PCDHA4: variants seen among roughly 807,000 people sequenced by gnomAD.
PCDHA4 encodes the protein protocadherin alpha 4.
Under a neutral mutation model 61.4 loss-of-function variants are expected in PCDHA4, and 49 were observed. That is an observed-to-expected ratio of 0.80 (90% CI 0.63 to 1.01). The LOEUF (loss-of-function observed/expected upper bound fraction) is 1.01. Ranked by LOEUF, PCDHA4 falls within the 50% of genes least tolerant of loss-of-function variation. The pLI, the probability that PCDHA4 is intolerant of heterozygous loss-of-function variation, is 0.00. For synonymous variants in PCDHA4, 590 were observed against 550.3 expected (o/e 1.07, Z -1.01); for missense variants, 1,254 against 1,235.8 (o/e 1.01, Z -0.22).
intron 1 of PCDHA4, chr5:140,850,334 A>G (rs2041532425): frequency 6.3e-7 from 1 of 1,597,666 alleles, no homozygotes. Context: ...AGCTGCAGCC[A>G]GAAACGGCCA....
At chr5:140,809,626 T>G (rs781990363) in intron 1 of PCDHA4, 54 bp downstream of exon 1, 36 of 1,508,500 alleles carry the variant, frequency 2.4e-5, no homozygotes, top group Non-Finnish European at 1.5e-5. Flanking sequence ...CTCTATCAAC[T>G]TCTTCGTAAA....
intron 1 of PCDHA4, chr5:140,859,239 A>G (rs1025873150): frequency 1.3e-5 from 2 of 152,746 alleles, no homozygotes; most frequent in Admixed American, 1.3e-4. Flanking sequence ...AGTCATGCTT[A>G]TGTTTAATAA....
chr5:140,870,936 G>A (rs1554164882), intron 1 of PCDHA4: 5 of 1,613,820 alleles, frequency 3.1e-6, no homozygotes, highest in South Asian at 1.1e-5. Flanking sequence ...ATGAATTGCA[G>A]CCGGCGGCGG....
chr5:140,910,171 T>C (rs186096076), intron 1 of PCDHA4, among the ~76,000 whole-genome samples: 22 of 152,340 alleles, frequency 1.4e-4, no homozygotes, highest in Admixed American at 1.2e-3. Flanking sequence ...TGATCCTCTG[T>C]TTTTATAATT....
chr5:140,952,813 G>A (rs1162015418), intron 1 of PCDHA4, among the ~76,000 whole-genome samples: 1 of 152,158 alleles, frequency 6.6e-6, no homozygotes, highest in African/African-American at 2.4e-5. Context: ...TCTGCAGGCT[G>A]TACAGGAAGC....
At chr5:140,914,095 C>G (rs1368870998) in intron 1 of PCDHA4, among the ~76,000 whole-genome samples, 1 of 152,082 alleles carries the variant, frequency 6.6e-6, no homozygotes, top group Non-Finnish European at 1.5e-5. Context: ...TCAATTTGTT[C>G]TATAGTGCAG....
intron 1 of PCDHA4, chr5:140,856,082 T>C (rs781798552): frequency 6.9e-6 from 11 of 1,594,900 alleles, no homozygotes; most frequent in Non-Finnish European, 8.6e-6. Context: ...GGGGGTCCAG[T>C]GTCTGCTGCT....
At chr5:140,869,304 G>A (rs1554162871) in intron 1 of PCDHA4, 3 of 1,613,648 alleles carry the variant, frequency 1.9e-6, no homozygotes, top group South Asian at 1.1e-5. Context: ...TCCGGGTGGC[G>A]TCCAAAACAC....
chr5:141,010,205 G>A lies in PCDHA4; in HGVS notation c.*268G>A, dbSNP rs1554262753. On this transcript the variant is annotated 3_prime_UTR_variant, in exon 4 of 4. Transcript: ENST00000530339. ...ACCCAAGTTTCCTTTCTCCTCCGCC[G>A]CAAAGGAGAGGCTTCCCAGCCCCGC... 4 of 1,551,732 alleles carry A rather than the reference G, an allele frequency of 2.6e-6. No homozygotes were observed. Among genetic ancestry groups the A allele is most frequent in the African/African-American group, 1.4e-5 (1 of 73,014 alleles).
At chr5:140,864,895 G>T (rs1212830646) in intron 1 of PCDHA4, 1 of 152,160 alleles carries the variant, frequency 6.6e-6, no homozygotes, top group African/African-American at 2.4e-5. Context: ...AAGCTGCATG[G>T]TCTTCAGAAT....
intron 1 of PCDHA4, among the ~76,000 whole-genome samples, chr5:140,946,992 A>G (rs1393633852): frequency 6.6e-6 from 1 of 151,790 alleles, no homozygotes; most frequent in Non-Finnish European, 1.5e-5. Context: ...TGAGTGTTCT[A>G]ACTTCAAAGA....
At chr5:140,886,871 T>C (rs1045804511) in intron 1 of PCDHA4, among the ~76,000 whole-genome samples, 1 of 151,744 alleles carries the variant, frequency 6.6e-6, no homozygotes, top group Non-Finnish European at 1.5e-5. Flanking sequence ...AACTCCTATA[T>C]TGAACATTCA....
chr5:140,841,696 T>C lies in PCDHA4; in HGVS notation c.2385+32124T>C, dbSNP rs2150321005. The C allele has an allele frequency of 6.8e-6, 11 of 1,613,722 alleles. No homozygotes were observed. In the East Asian group the frequency reaches 1.8e-4, roughly 26 times the overall value. Reference sequence around the variant, plus strand: ...TCCATGTGGACGTGGAGGTGAAGGATGTTAATGACAACCCGCCAGTGTTCC... The same window carrying C: ...TCCATGTGGACGTGGAGGTGAAGGACGTTAATGACAACCCGCCAGTGTTCC... On this transcript the variant is annotated intron_variant, in intron 1 of 3. Coordinates refer to ENST00000530339, the MANE Select transcript of PCDHA4 (RefSeq NM_018907.4).
At chr5:140,851,516 TA>T in intron 1 of PCDHA4, 1 of 906,320 alleles carries the variant, frequency 1.1e-6, no homozygotes, top group Non-Finnish European at 1.3e-6. Flanking sequence ...AAATATGTTT[TA>T]AAATGCCTGA....
intron 1 of PCDHA4, chr5:140,967,251 C>T: frequency 6.2e-7 from 1 of 1,613,408 alleles, no homozygotes; most frequent in Non-Finnish European, 8.5e-7. Context: ...GAATCGGTGG[C>T]GCCTGGAGCG....
intron 1 of PCDHA4, chr5:140,862,974 T>G: frequency 1.8e-6 from 1 of 545,638 alleles, no homozygotes; most frequent in Non-Finnish European, 3.6e-6. Flanking sequence ...GCAGGCCACT[T>G]GGTGGCGAAG....
chr5:141,009,929 G>T lies in PCDHA4; in HGVS notation c.2836G>T (p.Asp946Tyr). Residue 946 changes from aspartate to tyrosine, a missense_variant, in exon 4 of 4, where the codon GAC becomes TAC. Transcript: ENST00000530339. Reference protein sequence around the residue: ...EKGNSTTDNSDQ With the variant: ...EKGNSTTDNSYQ ...AGGGAACAGCACGACTGACAACAGT[G>T]ACCAGTGAGGTCCTCAAATGGAAAC... 1 of 1,603,730 alleles carries T rather than the reference G, an allele frequency of 6.2e-7. No homozygotes were observed. The highest frequency in any genetic ancestry group is 1.1e-5 in the South Asian group (1 of 89,000).
chr5:140,969,314 G>A (rs200006206), intron 1 of PCDHA4: 2 of 1,614,032 alleles, frequency 1.2e-6, no homozygotes, highest in Non-Finnish European at 1.7e-6. Context: ...CAAAAATGAG[G>A]CTGTTTCTCA....
chr5:140,960,258 T>G (rs551623092), intron 1 of PCDHA4, among the ~76,000 whole-genome samples: 1 of 152,248 alleles, frequency 6.6e-6, no homozygotes, highest in Non-Finnish European at 1.5e-5. Context: ...CTGGAGCTTC[T>G]GATAAATTCC....
Sources: allele counts gnomAD v4.1 joint callset (sites outside exome capture counted in the v4.1 genomes callset), GRCh38; gene constraint gnomAD v4.1.1; transcripts MANE v1.5; gene names NCBI Gene and HGNC (gene_info 2026-07-23, HGNC 2026-07-21).